CCSER1: variants seen among roughly 807,000 people sequenced by gnomAD.
The protein encoded by CCSER1 is coiled-coil serine rich protein 1.
A neutral mutation model predicts 82.0 loss-of-function variants in CCSER1; 41 were observed. The ratio of observed to expected loss-of-function variants is 0.50; its 90% CI spans 0.39 to 0.65. The LOEUF is 0.65. Among genes scored for constraint, CCSER1 ranks in the 30% least tolerant of loss-of-function variants. The pLI, the probability that CCSER1 is intolerant of heterozygous loss-of-function variation, is 0.00. For missense variants in CCSER1, 1,119 were observed against 1,064.2 expected (o/e 1.05, Z -0.72); for synonymous variants, 414 against 383.9 (o/e 1.08, Z -0.92).
At chr4:90,175,815 A>G (rs1409358064) in intron 1 of CCSER1, among the ~76,000 whole-genome samples, 1 of 152,022 alleles carries the variant, frequency 6.6e-6, no homozygotes, top group Non-Finnish European at 1.5e-5. Flanking sequence ...GAAGTGAAGG[A>G]TAGATATAGT....
intron 10 of CCSER1, among the ~76,000 whole-genome samples, chr4:91,508,248 C>T (rs1044804851): frequency 1.6e-5 from 2 of 124,498 alleles, no homozygotes; most frequent in African/African-American, 6.0e-5. Context: ...TTTCATTGAT[C>T]TTCACATATG....
chr4:91,462,769 G>A (rs1756584674), intron 10 of CCSER1, among the ~76,000 whole-genome samples: 1 of 152,180 alleles, frequency 6.6e-6, no homozygotes, highest in African/African-American at 2.4e-5. Flanking sequence ...TGCTAGCACA[G>A]CAGTCAGAGA....
chr4:91,067,532 G>A (rs531715509), intron 9 of CCSER1, among the ~76,000 whole-genome samples: 1 of 151,814 alleles, frequency 6.6e-6, no homozygotes, highest in South Asian at 2.1e-4. Context: ...TTTTGCAGAG[G>A]CTGAGTCTCA....
At chr4:90,740,725 A>G (rs1326309191) in intron 7 of CCSER1, among the ~76,000 whole-genome samples, 1 of 152,034 alleles carries the variant, frequency 6.6e-6, no homozygotes, top group Non-Finnish European at 1.5e-5. Context: ...AATTTCAATT[A>G]GTTTTTCATT....
intron 7 of CCSER1, among the ~76,000 whole-genome samples, chr4:90,786,073 G>C (rs1754471212): frequency 6.6e-6 from 1 of 152,102 alleles, no homozygotes; most frequent in South Asian, 2.1e-4. Flanking sequence ...AGTCTGAATG[G>C]GGCTGAGGGG....
chr4:90,485,366 C>T (rs528181039), intron 5 of CCSER1, among the ~76,000 whole-genome samples: 59 of 152,272 alleles, frequency 3.9e-4, no homozygotes, highest in Middle Eastern at 3.4e-3. Context: ...ACGCACGGTG[C>T]GCTGCACCCA....
chr4:91,412,145 T>C (rs1406564519), intron 10 of CCSER1, among the ~76,000 whole-genome samples: 1 of 152,118 alleles, frequency 6.6e-6, no homozygotes, highest in Non-Finnish European at 1.5e-5. Flanking sequence ...GGCAGACCCA[T>C]GCCCAGGTGG....
chr4:90,976,771 T>C (rs987279018), intron 9 of CCSER1, among the ~76,000 whole-genome samples: 7 of 151,656 alleles, frequency 4.6e-5, no homozygotes, highest in African/African-American at 1.5e-4. Context: ...TATCAGCAAG[T>C]GTAGGTGACC....
chr4:90,364,771 G>A (rs1745971735), intron 3 of CCSER1, among the ~76,000 whole-genome samples: 1 of 151,926 alleles, frequency 6.6e-6, no homozygotes. Flanking sequence ...GGCAGTTAAT[G>A]CCTGAAAATG....
At chr4:91,050,366 G>T (rs1160153048) in intron 9 of CCSER1, among the ~76,000 whole-genome samples, 1 of 151,778 alleles carries the variant, frequency 6.6e-6, no homozygotes, top group African/African-American at 2.4e-5. Flanking sequence ...GAGAGGCACA[G>T]GTTGCAGTGA....
At chr4:91,551,223 G>T (rs1223537835) in intron 10 of CCSER1, among the ~76,000 whole-genome samples, 2 of 151,856 alleles carry the variant, frequency 1.3e-5, no homozygotes, top group African/African-American at 4.8e-5. Flanking sequence ...TTTTTGAAAG[G>T]CAATACTTAT....
At chr4:91,547,613 A>C (rs1326540681) in intron 10 of CCSER1, among the ~76,000 whole-genome samples, 1 of 152,104 alleles carries the variant, frequency 6.6e-6, no homozygotes, top group Non-Finnish European at 1.5e-5. Context: ...GTTGGGTCTT[A>C]TTTTATGATC....
intron 3 of CCSER1, among the ~76,000 whole-genome samples, chr4:90,367,619 A>G (rs1746494449): frequency 6.6e-6 from 1 of 151,966 alleles, no homozygotes. Flanking sequence ...CAGAATTTGT[A>G]CAGCTAAGAA....
intron 8 of CCSER1, among the ~76,000 whole-genome samples, chr4:90,870,082 ATTG>A (rs1208885211): frequency 3.3e-5 from 5 of 151,656 alleles, no homozygotes; most frequent in Admixed American, 6.6e-5. Context: ...TATCAGTTTG[ATTG>A]TTTTTAGTGG....
At chr4:90,433,289 C>T (rs1414101068) in intron 4 of CCSER1, among the ~76,000 whole-genome samples, 2 of 152,034 alleles carry the variant, frequency 1.3e-5, no homozygotes, top group African/African-American at 4.8e-5. Context: ...ACCCTTGACT[C>T]CTCCTTTTTA....
intron 9 of CCSER1, among the ~76,000 whole-genome samples, chr4:91,041,955 T>G (rs186402405): frequency 6.6e-6 from 1 of 152,344 alleles, no homozygotes; most frequent in Admixed American, 6.5e-5. Flanking sequence ...TATCAGAAAC[T>G]AAGCTTTTGA....
chr4:91,311,064 A>C (rs1368534404), intron 10 of CCSER1, among the ~76,000 whole-genome samples: 2 of 151,960 alleles, frequency 1.3e-5, no homozygotes, highest in Non-Finnish European at 2.9e-5. Context: ...TACTTTCTTT[A>C]ATAATACTAC....
intron 10 of CCSER1, among the ~76,000 whole-genome samples, chr4:91,553,814 T>C (rs544422845): frequency 6.6e-6 from 1 of 151,154 alleles, no homozygotes; most frequent in Admixed American, 6.6e-5. Flanking sequence ...TCCACTCTTT[T>C]TTCTTTTAGT....
At chr4:90,342,578 T>C (rs2153505347) in intron 3 of CCSER1, among the ~76,000 whole-genome samples, 1 of 152,298 alleles carries the variant, frequency 6.6e-6, no homozygotes, top group Middle Eastern at 3.4e-3. Context: ...ATTCCAGTCA[T>C]AAAGGAAAGG....
Sources: gnomAD v4.1 joint callset for allele counts (sites outside exome capture counted in the v4.1 genomes callset) on GRCh38, gnomAD v4.1.1 for gene constraint, MANE v1.5 for transcripts, NCBI Gene and HGNC (gene_info 2026-07-23, HGNC 2026-07-21) for gene names.